Variants in MYZAP observed in about 807,000 individuals in gnomAD.
MYZAP encodes GRINL1A complex locus upstream.
MYZAP carries 66 observed loss-of-function variants against 69.4 expected under a neutral mutation model. That is an observed-to-expected ratio of 0.95 (90% CI 0.78 to 1.17). The LOEUF is 1.17. Ranked by LOEUF, MYZAP falls within the 50% of genes most tolerant of loss-of-function variation. MYZAP has a pLI of 0.00. For missense variants in MYZAP, 611 were observed against 556.2 expected, an observed-to-expected ratio of 1.10 and a Z score of -0.99; for synonymous variants, 256 against 205.9, an observed-to-expected ratio of 1.24 and a Z score of -2.09.
intron 10 of MYZAP, among the ~76,000 whole-genome samples, chr15:57,652,378 TTTTTG>T: frequency 6.6e-6 from 1 of 152,326 alleles, no homozygotes; most frequent in South Asian, 2.1e-4. Context: ...TGCATTATTT[TTTTTG>T]TTAAAAATAG....
intron 8 of MYZAP, among the ~76,000 whole-genome samples, chr15:57,634,464 C>G (rs1350333973): frequency 6.6e-6 from 1 of 152,146 alleles, no homozygotes; most frequent in Non-Finnish European, 1.5e-5. Context: ...GAGCAGTGAC[C>G]TGCCAAGACC....
chr15:57,644,274 C>T (rs1019259685), intron 10 of MYZAP, among the ~76,000 whole-genome samples: 1 of 152,020 alleles, frequency 6.6e-6, no homozygotes, highest in Non-Finnish European at 1.5e-5. Context: ...CTGGTGAACT[C>T]AATAGGAAGG....
intron 2 of MYZAP, among the ~76,000 whole-genome samples, chr15:57,616,822 C>CTTTTTTTTTTTTTTTTTTTTGTTTT (rs2035488524): frequency 2.0e-5 from 1 of 50,058 alleles, no homozygotes; most frequent in African/African-American, 7.9e-5. Flanking sequence ...AAAAAAAGTG[C>CTTTTTTTTTTTTTTTTTTTTGTTTT]TTTTTTTTTT....
chr15:57,592,338 A>G (rs529008469), intron 1 of MYZAP, among the ~76,000 whole-genome samples: 6 of 152,300 alleles, frequency 3.9e-5, no homozygotes, highest in South Asian at 2.1e-4. Context: ...TGGAATTCCC[A>G]GAGATTTCCT....
chr15:57,596,013 T>C (rs2034034711), intron 1 of MYZAP, among the ~76,000 whole-genome samples: 1 of 152,164 alleles, frequency 6.6e-6, no homozygotes. Flanking sequence ...AAAATGATGG[T>C]TGTAGGCTCA....
At chr15:57,679,760 C>T (rs1209438919) in intron 12 of MYZAP, among the ~76,000 whole-genome samples, 5 of 152,200 alleles carry the variant, frequency 3.3e-5, no homozygotes, top group Admixed American at 3.3e-4. Flanking sequence ...CTCACAGCTT[C>T]ACCTCTCCCC....
intron 10 of MYZAP, among the ~76,000 whole-genome samples, chr15:57,659,838 T>C (rs2038191845): frequency 6.6e-6 from 1 of 152,210 alleles, no homozygotes; most frequent in Admixed American, 6.5e-5. Context: ...CTTATGTTTA[T>C]TACATAAACC....
intron 5 of MYZAP, among the ~76,000 whole-genome samples, chr15:57,627,499 G>A (rs1416252393): frequency 6.6e-6 from 1 of 151,924 alleles, no homozygotes; most frequent in Admixed American, 6.5e-5. Context: ...GCTGATGCAC[G>A]GTGTTAGGCA....
chr15:57,679,148 C>T (rs1346595423), intron 12 of MYZAP, among the ~76,000 whole-genome samples: 1 of 152,052 alleles, frequency 6.6e-6, no homozygotes, highest in African/African-American at 2.4e-5. Flanking sequence ...TGTACTCCAT[C>T]CTGGGCAACA....
intron 1 of MYZAP, among the ~76,000 whole-genome samples, chr15:57,601,598 G>T (rs1383529914): frequency 6.6e-6 from 1 of 152,056 alleles, no homozygotes; most frequent in Non-Finnish European, 1.5e-5. Context: ...CATGACTGAC[G>T]GTGAGCTTTG....
chr15:57,657,196 G>GA (rs2038051444), intron 10 of MYZAP, among the ~76,000 whole-genome samples: 1 of 152,170 alleles, frequency 6.6e-6, no homozygotes, highest in South Asian at 2.1e-4. Context: ...CAGAGACAGT[G>GA]AAACGAGTGT....
rs1364313938 is a variant in MYZAP at position 57,683,800 on chromosome 15, C to CT, written c.1305-591dup. On this transcript the variant is annotated intron_variant, in intron 12 of 12. Transcript: ENST00000267853. ...GATGATGAATATTTCTGGGGCCTCT[C>CT]TTTTTTTTTTTGAGATGGAATTTAG... Among the ~76,000 whole-genome samples the CT allele has an allele frequency of 2.4e-3, 354 of 146,296 alleles. 1 individual carries two copies. Among genetic ancestry groups the CT allele is most frequent in the African/African-American group, 6.9e-3 (278 of 40,070 alleles).
At chr15:57,609,527 C>T (rs1484425584) in intron 2 of MYZAP, among the ~76,000 whole-genome samples, 2 of 152,206 alleles carry the variant, frequency 1.3e-5, no homozygotes, top group East Asian at 3.8e-4. Context: ...AGGGCCCAGT[C>T]TGATGGCTTT....
intron 12 of MYZAP, among the ~76,000 whole-genome samples, 199 bp from the exon 13 acceptor site, chr15:57,684,203 T>C (rs1236359632): frequency 6.6e-6 from 1 of 152,204 alleles, no homozygotes; most frequent in Non-Finnish European, 1.5e-5. Flanking sequence ...GGGGTTAGGA[T>C]TTCAAAATAT....
intron 12 of MYZAP, among the ~76,000 whole-genome samples, chr15:57,682,053 A>C (rs2039473505): frequency 6.6e-6 from 1 of 151,728 alleles, no homozygotes; most frequent in Non-Finnish European, 1.5e-5. Flanking sequence ...ATTTGAAAGA[A>C]CCCACAGATC....
intron 11 of MYZAP, among the ~76,000 whole-genome samples, chr15:57,672,985 C>T (rs2038939837): frequency 1.3e-5 from 2 of 152,182 alleles, no homozygotes; most frequent in African/African-American, 2.4e-5. Flanking sequence ...TCAAGGGTTG[C>T]AAATCATGCC....
At chr15:57,679,990 C>T (rs2039347399) in intron 12 of MYZAP, among the ~76,000 whole-genome samples, 1 of 152,196 alleles carries the variant, frequency 6.6e-6, no homozygotes, top group African/African-American at 2.4e-5. Context: ...AGTCCGCCTC[C>T]TGCTTTATCT....
intron 1 of MYZAP, among the ~76,000 whole-genome samples, chr15:57,595,989 A>T (rs2034032365): frequency 6.6e-6 from 1 of 152,108 alleles, no homozygotes; most frequent in South Asian, 2.1e-4. Context: ...CAGGGCTTAA[A>T]CCTGTGCCGG....
chr15:57,636,219 C>T (rs1450568974), intron 8 of MYZAP, among the ~76,000 whole-genome samples: 1 of 151,968 alleles, frequency 6.6e-6, no homozygotes, highest in Non-Finnish European at 1.5e-5. Context: ...GTAAAACTTC[C>T]AACCACATAG....
Sources: allele counts gnomAD v4.1 joint callset (sites outside exome capture counted in the v4.1 genomes callset), GRCh38; gene constraint gnomAD v4.1.1; transcripts MANE v1.5; gene names NCBI Gene and HGNC (gene_info 2026-07-23, HGNC 2026-07-21).